The following PTPRT variants were observed in gnomAD, a reference collection of about 807,000 sequenced individuals.
PTPRT encodes receptor-type tyrosine-protein phosphatase T.
A neutral mutation model predicts 176.8 loss-of-function variants in PTPRT; 56 were observed. That is an observed-to-expected ratio of 0.32 (90% CI 0.26 to 0.40). PTPRT has a LOEUF of 0.40. PTPRT is among the 10% of genes least tolerant of loss of function. PTPRT has a pLI of 1.00. For missense variants in PTPRT, 1,540 were observed against 1,908.2 expected (o/e 0.81, Z 3.60); for synonymous variants, 783 against 739.0 (o/e 1.06, Z -0.96).
chr20:43,159,059 T>C (rs1259571390), intron 1 of PTPRT, among the ~76,000 whole-genome samples: 1 of 152,038 alleles, frequency 6.6e-6, no homozygotes, highest in African/African-American at 2.4e-5. Flanking sequence ...GGGGCACTGG[T>C]TAAGGAGAGG....
chr20:42,774,062 G>A (rs186883171), intron 4 of PTPRT, among the ~76,000 whole-genome samples: 6 of 152,298 alleles, frequency 3.9e-5, no homozygotes, highest in Admixed American at 2.6e-4. Flanking sequence ...TTCAGTGGTA[G>A]AGAGTTTAGA....
chr20:42,070,225 T>C (rs1982266259), downstream of PTPRT, among the ~76,000 whole-genome samples: 1 of 151,932 alleles, frequency 6.6e-6, no homozygotes, highest in Non-Finnish European at 1.5e-5. Flanking sequence ...TCCAGGAATC[T>C]GAGGGCTTCT....
chr20:42,645,764 ATGTGTGTGTGTGTG>A (rs59454108), intron 7 of PTPRT, among the ~76,000 whole-genome samples: 17 of 139,588 alleles, frequency 1.2e-4, no homozygotes, highest in East Asian at 2.2e-4. Context: ...ATGTGTATTT[ATGTGTGTGTGTGTG>A]TGTGTGTGTG....
intron 16 of PTPRT, among the ~76,000 whole-genome samples, chr20:42,184,648 G>C (rs754196857): frequency 7.4e-6 from 1 of 135,560 alleles, no homozygotes; most frequent in African/African-American, 2.8e-5. Flanking sequence ...TCTCTCTCTC[G>C]ATAGAGTTTC....
At chr20:43,092,188 G>A (rs1008981696) in intron 1 of PTPRT, among the ~76,000 whole-genome samples, 1 of 152,198 alleles carries the variant, frequency 6.6e-6, no homozygotes, top group Non-Finnish European at 1.5e-5. Flanking sequence ...ATCAATCCAG[G>A]AGTGTAGCAC....
the PTPRT span, among the ~76,000 whole-genome samples, chr20:42,051,595 A>G: frequency 3.7e-4 from 57 of 152,262 alleles, no homozygotes; most frequent in African/African-American, 1.3e-3. Flanking sequence ...CAGCAGTCAG[A>G]GTGGTTGTCA....
At chr20:42,349,006 G>T (rs963541220) in intron 11 of PTPRT, among the ~76,000 whole-genome samples, 2 of 152,204 alleles carry the variant, frequency 1.3e-5, no homozygotes, top group Non-Finnish European at 2.9e-5. Context: ...GGGGAGCATT[G>T]TCCAAAGACT....
intron 15 of PTPRT, among the ~76,000 whole-genome samples, chr20:42,206,388 G>A (rs562764613): frequency 6.6e-6 from 1 of 152,288 alleles, no homozygotes; most frequent in South Asian, 2.1e-4. Context: ...ATCTCACTAG[G>A]GAGTGCCAGA....
intron 7 of PTPRT, among the ~76,000 whole-genome samples, chr20:42,537,294 A>T (rs961852070): frequency 6.6e-6 from 1 of 152,182 alleles, no homozygotes; most frequent in African/African-American, 2.4e-5. Flanking sequence ...GTATTACCTG[A>T]TGTTATAAAT....
chr20:42,448,150 T>A, intron 9 of PTPRT, 70 bp downstream of exon 9: 1 of 1,192,466 alleles, frequency 8.4e-7, no homozygotes, highest in Non-Finnish European at 1.3e-6. Context: ...GAATGGGTAT[T>A]CACCAATGTC....
chr20:42,303,934 C>T (rs1225608208), intron 12 of PTPRT, among the ~76,000 whole-genome samples: 3 of 152,136 alleles, frequency 2.0e-5, no homozygotes, highest in Non-Finnish European at 4.4e-5. Flanking sequence ...TGAATCATTG[C>T]CTACTATTTT....
intron 1 of PTPRT, among the ~76,000 whole-genome samples, chr20:42,902,748 A>AAAT (rs2079422871): frequency 6.6e-6 from 1 of 152,188 alleles, no homozygotes; most frequent in African/African-American, 2.4e-5. Flanking sequence ...ACAGCTTATA[A>AAAT]AGGACAGAGT....
intron 9 of PTPRT, among the ~76,000 whole-genome samples, chr20:42,360,617 A>G (rs1289975679): frequency 6.6e-6 from 1 of 152,210 alleles, no homozygotes; most frequent in African/African-American, 2.4e-5. Flanking sequence ...CTGTATTGCA[A>G]TACTTCTTGG....
chr20:42,145,137 A>C (rs978886748), intron 17 of PTPRT, among the ~76,000 whole-genome samples: 3 of 152,218 alleles, frequency 2.0e-5, no homozygotes, highest in Non-Finnish European at 4.4e-5. Flanking sequence ...ACTGTTGTAG[A>C]GTGGAAACAG....
intron 18 of PTPRT, among the ~76,000 whole-genome samples, chr20:42,139,656 A>G (rs1988531858): frequency 6.6e-6 from 1 of 152,210 alleles, no homozygotes; most frequent in African/African-American, 2.4e-5. Context: ...GCTTTGGAGA[A>G]AGTCCTCAGT....
At position 43,013,889 on chromosome 20, in the gene PTPRT, T is replaced by G. The variant is rs181048499; in HGVS notation, c.89-127957A>C. On this transcript the variant is annotated intron_variant, in intron 1 of 30. Transcript: ENST00000373187. ...CTTGGGCAAGTTCCTTAAGCACTTA[T>G]GTTCCTGATCTATGACATGAGGAGA... Among the ~76,000 whole-genome samples the G allele has an allele frequency of 2.8e-3, 423 of 152,330 alleles. 1 individual carries two copies. The highest frequency in any genetic ancestry group is 9.7e-3 in the African/African-American group (405 of 41,580).
intron 12 of PTPRT, among the ~76,000 whole-genome samples, chr20:42,313,408 G>C (rs532511180): frequency 2.2e-4 from 33 of 152,136 alleles, no homozygotes; most frequent in Admixed American, 1.7e-3. Context: ...CCCTCTCTTG[G>C]AGTCTGGATC....
chr20:42,747,668 G>C (rs2076710131), intron 6 of PTPRT, among the ~76,000 whole-genome samples: 1 of 152,192 alleles, frequency 6.6e-6, no homozygotes, highest in African/African-American at 2.4e-5. Flanking sequence ...GTCAGGCAAA[G>C]CAAGGACAGC....
At chr20:43,094,096 T>C (rs112228056) in intron 1 of PTPRT, among the ~76,000 whole-genome samples, 264 of 149,448 alleles carry the variant, frequency 1.8e-3, no homozygotes, top group Admixed American at 4.2e-3. Context: ...TCTTTCTTTT[T>C]TTTTTTTTTT....
Sources: gnomAD v4.1 joint callset for allele counts (sites outside exome capture counted in the v4.1 genomes callset) on GRCh38, gnomAD v4.1.1 for gene constraint, MANE v1.5 for transcripts, NCBI Gene and HGNC (gene_info 2026-07-23, HGNC 2026-07-21) for gene names.